The following PRELID2 variants were observed in gnomAD, a reference collection of about 807,000 sequenced individuals.
PRELID2 encodes the protein PRELI domain-containing protein 2.
A neutral mutation model predicts 28.4 loss-of-function variants in PRELID2; 25 were observed. The observed-to-expected ratio is 0.88, with a 90% CI of 0.64 to 1.23. PRELID2 has a LOEUF of 1.23. Among genes scored for constraint, PRELID2 ranks in the 50% most tolerant of loss-of-function variants. The probability of loss-of-function intolerance (pLI) is 0.00; values close to 1 mark genes in which losing one functional copy is unlikely to be tolerated. For missense variants in PRELID2, 201 were observed against 214.4 expected, an observed-to-expected ratio of 0.94 and a Z score of 0.39; for synonymous variants, 76 against 71.6, an observed-to-expected ratio of 1.06 and a Z score of -0.31.
the PRELID2 span, among the ~76,000 whole-genome samples, chr5:145,232,815 C>T: frequency 5.9e-5 from 9 of 151,878 alleles, no homozygotes; most frequent in African/African-American, 2.2e-4. Context: ...AATAATAGTA[C>T]CCACCTCCTA....
intron 2 of PRELID2, among the ~76,000 whole-genome samples, chr5:145,821,133 T>C (rs1163814715): frequency 3.3e-5 from 2 of 60,342 alleles, no homozygotes; most frequent in Non-Finnish European, 4.2e-5. Context: ...CGTCACCTGA[T>C]GGTCATCCAA....
At chr5:145,326,167 G>A in the PRELID2 span, among the ~76,000 whole-genome samples, 5 of 152,106 alleles carry the variant, frequency 3.3e-5, 1 homozygote, top group South Asian at 8.3e-4. Context: ...ACCATACCTG[G>A]CTAATTTTTT....
At chr5:145,359,905 C>G in the PRELID2 span, among the ~76,000 whole-genome samples, 1 of 152,168 alleles carries the variant, frequency 6.6e-6, no homozygotes, top group Non-Finnish European at 1.5e-5. Flanking sequence ...AAATTTTAAG[C>G]ATGTTCACAG....
chr5:145,473,791 G>C (rs1752075696), intron 1 of PRELID2, among the ~76,000 whole-genome samples: 1 of 152,106 alleles, frequency 6.6e-6, no homozygotes, highest in Non-Finnish European at 1.5e-5. Context: ...GTCTTCAGAT[G>C]AGCCTTAATT....
chr5:145,746,109 A>G (rs1404305692), intron 1 of PRELID2, among the ~76,000 whole-genome samples: 1 of 152,310 alleles, frequency 6.6e-6, no homozygotes, highest in East Asian at 1.9e-4. Context: ...TGCATCAACT[A>G]GTGCGCAAAA....
chr5:145,637,017 G>A (rs537513353), intron 1 of PRELID2, among the ~76,000 whole-genome samples: 2 of 152,146 alleles, frequency 1.3e-5, no homozygotes, highest in Non-Finnish European at 2.9e-5. Flanking sequence ...GTCAAGCAGA[G>A]AATAGACATC....
At chr5:145,572,592 T>C (rs1216355918) in intron 1 of PRELID2, among the ~76,000 whole-genome samples, 1 of 152,276 alleles carries the variant, frequency 6.6e-6, no homozygotes, top group South Asian at 2.1e-4. Context: ...CATCAAATAA[T>C]TTTATTTTTC....
chr5:145,297,076 T>C, the PRELID2 span, among the ~76,000 whole-genome samples: 508 of 152,248 alleles, frequency 3.3e-3, 1 homozygote, highest in African/African-American at 8.7e-3. Context: ...GAGTTCATTG[T>C]AGATTCTGGA....
the PRELID2 span, among the ~76,000 whole-genome samples, chr5:145,257,062 G>A: frequency 5.3e-5 from 8 of 151,784 alleles, no homozygotes; most frequent in African/African-American, 1.7e-4. Flanking sequence ...ATTCTATAAA[G>A]CATGAATATT....
chr5:145,671,864 G>T (rs1754713653), intron 1 of PRELID2, among the ~76,000 whole-genome samples: 2 of 152,086 alleles, frequency 1.3e-5, no homozygotes, highest in African/African-American at 4.8e-5. Flanking sequence ...CCTTATAAAG[G>T]TATCACTCAT....
At chr5:145,806,578 T>C (rs1226066230) in intron 4 of PRELID2, among the ~76,000 whole-genome samples, 1 of 152,236 alleles carries the variant, frequency 6.6e-6, no homozygotes, top group Non-Finnish European at 1.5e-5. Context: ...AAAACAACAA[T>C]AAATGGTATT....
chr5:145,588,879 TAA>T lies in PRELID2; in HGVS notation n.71-115566_71-115565del, dbSNP rs10707481. Among the ~76,000 whole-genome samples, 1,147 of 141,144 alleles carry T rather than the reference TAA, an allele frequency of 8.1e-3. 14 individuals are homozygous for T. Among genetic ancestry groups the T allele is most frequent in the African/African-American group, 0.027 (1,069 of 39,684 alleles). The allele number at this position is 141,144 out of a possible 152,430, so 92.6% of individuals were successfully genotyped here. On this transcript the variant is annotated intron_variant and non_coding_transcript_variant, in intron 1 of 2. Coordinates refer to the PRELID2 transcript ENST00000510259. ...TGTTTTAGGGTATGCTTTTTATTGG[TAA>T]AAAAAAAAAAAATCGTCATTTTCTC...
At chr5:145,537,906 C>A (rs1398146571) in intron 1 of PRELID2, among the ~76,000 whole-genome samples, 1 of 151,698 alleles carries the variant, frequency 6.6e-6, no homozygotes, top group Non-Finnish European at 1.5e-5. Flanking sequence ...TTTTAAAATC[C>A]TTCCCCAGCC....
chr5:145,298,344 A>T, the PRELID2 span, among the ~76,000 whole-genome samples: 1 of 152,306 alleles, frequency 6.6e-6, no homozygotes, highest in African/African-American at 2.4e-5. Flanking sequence ...ATCTTTGACA[A>T]ACCTGAGAAA....
At chr5:145,319,380 C>T in the PRELID2 span, among the ~76,000 whole-genome samples, 1 of 152,056 alleles carries the variant, frequency 6.6e-6, no homozygotes, top group Non-Finnish European at 1.5e-5. Context: ...AAAAAGTAAT[C>T]CCACCAGGTT....
chr5:145,784,391 T>G (rs928140207), intron 5 of PRELID2, among the ~76,000 whole-genome samples: 14 of 152,204 alleles, frequency 9.2e-5, no homozygotes, highest in African/African-American at 2.4e-4. Flanking sequence ...AACAATTTTA[T>G]GAAGTGAGAT....
chr5:145,722,225 C>T (rs565906377), intron 1 of PRELID2, among the ~76,000 whole-genome samples: 2 of 152,230 alleles, frequency 1.3e-5, no homozygotes, highest in South Asian at 2.1e-4. Context: ...AGAAATATTA[C>T]CGACAACACT....
chr5:145,566,364 G>T (rs1413211027), intron 1 of PRELID2, among the ~76,000 whole-genome samples: 1 of 152,116 alleles, frequency 6.6e-6, no homozygotes, highest in Non-Finnish European at 1.5e-5. Flanking sequence ...CCAACCCAGG[G>T]TTTGGACTGA....
the PRELID2 span, among the ~76,000 whole-genome samples, chr5:145,436,263 T>C: frequency 3.9e-5 from 6 of 152,164 alleles, no homozygotes; most frequent in Admixed American, 2.0e-4. Context: ...AAAGACATGA[T>C]CTTATTGTTA....
Sources: gnomAD v4.1 joint callset for allele counts (sites outside exome capture counted in the v4.1 genomes callset) on GRCh38, gnomAD v4.1.1 for gene constraint, MANE v1.5 for transcripts, NCBI Gene and HGNC (gene_info 2026-07-23, HGNC 2026-07-21) for gene names.